HS3ST4: variants seen among roughly 807,000 people sequenced by gnomAD.
The protein encoded by HS3ST4 is heparan sulfate-glucosamine 3-sulfotransferase 4, also known as heparan sulfate glucosamine 3-O-sulfotransferase 4.
HS3ST4 carries 17 observed loss-of-function variants against 29.2 expected under a neutral mutation model. The ratio of observed to expected loss-of-function variants is 0.58; its 90% CI spans 0.40 to 0.87. The LOEUF (loss-of-function observed/expected upper bound fraction) is 0.87, where lower values mean the gene tolerates loss of function less well. Among genes scored for constraint, HS3ST4 ranks in the 40% least tolerant of loss-of-function variants. HS3ST4 has a pLI of 0.00. For missense variants in HS3ST4, 627 were observed against 634.5 expected, an observed-to-expected ratio of 0.99 and a Z score of 0.13; for synonymous variants, 314 against 285.7, an observed-to-expected ratio of 1.10 and a Z score of -1.00.
At chr16:26,077,729 A>G (rs1898679202) in intron 1 of HS3ST4, among the ~76,000 whole-genome samples, 1 of 152,238 alleles carries the variant, frequency 6.6e-6, no homozygotes, top group Non-Finnish European at 1.5e-5. Flanking sequence ...ATTTATGTAG[A>G]TATGATTAAA....
intron 1 of HS3ST4, among the ~76,000 whole-genome samples, chr16:25,889,922 T>A (rs932543736): frequency 3.5e-5 from 5 of 144,470 alleles, no homozygotes; most frequent in African/African-American, 1.0e-4. Context: ...TCTCTCTCTC[T>A]CTTGCCTGCT....
rs570108895 is a variant in HS3ST4, at chr16:26,066,677, A to G, written c.735-68935A>G. Among the ~76,000 whole-genome samples, 10 of 152,346 alleles carry G rather than the reference A, an allele frequency of 6.6e-5. No homozygotes were observed. In the South Asian group the frequency reaches 2.1e-3, roughly 32 times the overall value. ...CAGTGTTGAGACACTTGAAAGGTTA[A>G]TTACAGAAAGACAGTGTGCAGAAGA... is the stretch of plus-strand genomic sequence containing the variant. On this transcript the variant is annotated intron_variant, in intron 1 of 1. Coordinates refer to ENST00000331351, the MANE Select transcript of HS3ST4 (RefSeq NM_006040.3).
chr16:26,081,464 G>A (rs1291745012), intron 1 of HS3ST4, among the ~76,000 whole-genome samples: 2 of 152,168 alleles, frequency 1.3e-5, no homozygotes, highest in Non-Finnish European at 2.9e-5. Context: ...TGAAGAGTCA[G>A]GGATGGAAAA....
intron 1 of HS3ST4, among the ~76,000 whole-genome samples, chr16:25,894,070 A>G (rs1596605493): frequency 6.6e-6 from 1 of 152,174 alleles, no homozygotes; most frequent in Non-Finnish European, 1.5e-5. Context: ...TTTGAACAGA[A>G]CAGGAGCATC....
At chr16:26,100,777 G>C (rs979441359) in intron 1 of HS3ST4, among the ~76,000 whole-genome samples, 1 of 152,126 alleles carries the variant, frequency 6.6e-6, no homozygotes, top group Non-Finnish European at 1.5e-5. Context: ...ATCATAAAGA[G>C]CTTTTGCTCC....
Position 25,884,706 on chromosome 16 carries a change from C to T in HS3ST4, c.734+191555C>T, listed in dbSNP as rs190047304. On this transcript the variant is annotated intron_variant, in intron 1 of 1. Transcript: ENST00000331351. ...TCAGCCTCCCGAGTAGTGGGGATTA[C>T]AGGCGTGCACCAACAAGCCTGGCTA... Among the ~76,000 whole-genome samples the T allele has an allele frequency of 2.6e-3, 395 of 152,228 alleles. 5 individuals are homozygous for T. The highest frequency in any genetic ancestry group is 4.8e-3 in the South Asian group (23 of 4,822).
At chr16:25,950,201 T>A (rs1422532911) in intron 1 of HS3ST4, among the ~76,000 whole-genome samples, 2 of 152,144 alleles carry the variant, frequency 1.3e-5, no homozygotes, top group Non-Finnish European at 2.9e-5. Flanking sequence ...CAATGCCCAG[T>A]TAGATGACCC....
chr16:26,010,672 TGCAAAGA>T (rs1969302421), intron 1 of HS3ST4, among the ~76,000 whole-genome samples: 1 of 152,086 alleles, frequency 6.6e-6, no homozygotes, highest in African/African-American at 2.4e-5. Flanking sequence ...TTGATAACTT[TGCAAAGA>T]GATGTTCTGC....
chr16:25,971,272 C>A (rs1968894368), intron 1 of HS3ST4, among the ~76,000 whole-genome samples: 2 of 152,156 alleles, frequency 1.3e-5, no homozygotes, highest in South Asian at 4.1e-4. Flanking sequence ...AAAACAGTCA[C>A]CTGCAACATA....
chr16:25,895,362 G>A (rs1322502968), intron 1 of HS3ST4, among the ~76,000 whole-genome samples: 1 of 152,194 alleles, frequency 6.6e-6, no homozygotes, highest in Non-Finnish European at 1.5e-5. Flanking sequence ...GAGGACGATG[G>A]AGAATGATTG....
intron 1 of HS3ST4, among the ~76,000 whole-genome samples, chr16:25,973,718 C>T (rs374268611): frequency 6.6e-6 from 1 of 152,128 alleles, no homozygotes; most frequent in East Asian, 1.9e-4. Context: ...GTGCCCACAC[C>T]CCCACACAAA....
intron 1 of HS3ST4, among the ~76,000 whole-genome samples, chr16:25,990,191 C>T (rs1327976266): frequency 6.6e-6 from 1 of 152,186 alleles, no homozygotes; most frequent in Non-Finnish European, 1.5e-5. Flanking sequence ...CAAATTTTGG[C>T]AATTAGTGCT....
Position 26,049,933 on chromosome 16 carries a change from G to A in HS3ST4, c.735-85679G>A, listed in dbSNP as rs549500301. 8.5e-5 allele frequency among the ~76,000 whole-genome samples: 13 copies of A among 152,262 alleles called. No individual in the cohort carries two copies. The South Asian group carries it at 1.7e-3, about 19-fold the overall frequency. Reference sequence around the variant, plus strand: ...ATGTGGGAAGGAGTGAGGAGCTTCCGTGCCCTCCCTGGGTGCACCGTCCTC... The same window carrying A: ...ATGTGGGAAGGAGTGAGGAGCTTCCATGCCCTCCCTGGGTGCACCGTCCTC... On this transcript the variant is annotated intron_variant, in intron 1 of 1. Transcript: ENST00000331351.
intron 1 of HS3ST4, among the ~76,000 whole-genome samples, chr16:25,707,112 C>T (rs1431632662): frequency 7.2e-5 from 11 of 152,138 alleles, no homozygotes; most frequent in Admixed American, 7.2e-4. Context: ...ATCAGATTGA[C>T]TGTCGTGGTA....
chr16:25,870,320 T>C (rs1967736969), intron 1 of HS3ST4, among the ~76,000 whole-genome samples: 3 of 152,148 alleles, frequency 2.0e-5, no homozygotes, highest in Non-Finnish European at 2.9e-5. Flanking sequence ...TTGGAACTTA[T>C]AGTTAAGGAT....
chr16:26,134,357 C>CTTTTTTTTTTTTTTTTTTTTTT (rs1167036022), intron 1 of HS3ST4, among the ~76,000 whole-genome samples: 11 of 109,064 alleles, frequency 1.0e-4, no homozygotes, highest in Non-Finnish European at 1.8e-4. Flanking sequence ...CTTTTCTTTT[C>CTTTTTTTTTTTTTTTTTTTTTT]TTTTCTTTTT....
chr16:25,965,074 A>G (rs1968830211), intron 1 of HS3ST4, among the ~76,000 whole-genome samples: 1 of 152,160 alleles, frequency 6.6e-6, no homozygotes, highest in Non-Finnish European at 1.5e-5. Flanking sequence ...GTAACAGATA[A>G]AAAAGGGTGA....
At position 26,136,716 on chromosome 16, in the gene HS3ST4, G is replaced by A. The variant is rs1898288482; in HGVS notation, c.*468G>A. The stretch of plus-strand genomic sequence containing the variant: ...TGGGCTTCTCCCCAGAATGCACTTT[G>A]TGGCTGAGTGCTCCAGGACTCCTAG... On this transcript the variant is annotated 3_prime_UTR_variant, in exon 2 of 2. Transcript: ENST00000331351. 1 of 169,296 alleles carries A rather than the reference G, an allele frequency of 5.9e-6. No individual in the cohort carries two copies. The allele number at this position is 169,296 out of a possible 1,614,324, so 10.5% of individuals were successfully genotyped here.
intron 1 of HS3ST4, among the ~76,000 whole-genome samples, chr16:26,040,685 G>A (rs769509771): frequency 1.6e-4 from 24 of 151,942 alleles, no homozygotes; most frequent in Non-Finnish European, 3.1e-4. Flanking sequence ...TTAACCTCAG[G>A]TTCTCCCTTC....
Sources: allele counts gnomAD v4.1 joint callset (sites outside exome capture counted in the v4.1 genomes callset), GRCh38; gene constraint gnomAD v4.1.1; transcripts MANE v1.5; gene names NCBI Gene and HGNC (gene_info 2026-07-23, HGNC 2026-07-21).